The following CDH12 variants were observed in gnomAD, a reference collection of about 807,000 sequenced individuals.
CDH12 encodes the protein cadherin-12.
In CDH12, 41 loss-of-function variants were observed where a neutral mutation model predicts 74.1. That is an observed-to-expected ratio of 0.55 (90% CI 0.43 to 0.72). The LOEUF is 0.72. Ranked by LOEUF, CDH12 falls within the 30% of genes least tolerant of loss-of-function variation. The pLI, the probability that CDH12 is intolerant of heterozygous loss-of-function variation, is 0.00. For synonymous variants in CDH12, 399 were observed against 355.0 expected (o/e 1.12, Z -1.39); for missense variants, 945 against 977.2 (o/e 0.97, Z 0.44).
chr5:21,939,271 A>G (rs547401265), intron 6 of CDH12, among the ~76,000 whole-genome samples: 1 of 151,800 alleles, frequency 6.6e-6, no homozygotes, highest in South Asian at 2.1e-4. Context: ...CATGAAGAGT[A>G]GGAAAAAATA....
chr5:22,118,372 G>T (rs183490556), intron 4 of CDH12, among the ~76,000 whole-genome samples: 10 of 151,950 alleles, frequency 6.6e-5, no homozygotes, highest in African/African-American at 9.6e-5. Flanking sequence ...TACATATCTC[G>T]GAAATATTCG....
At chr5:22,030,048 G>C (rs1311271384) in intron 5 of CDH12, among the ~76,000 whole-genome samples, 1 of 149,254 alleles carries the variant, frequency 6.7e-6, no homozygotes, top group East Asian at 2.1e-4. Flanking sequence ...TCACTTATAG[G>C]TGGGAACTGA....
chr5:22,374,462 A>C (rs1460348460), intron 3 of CDH12, among the ~76,000 whole-genome samples: 4 of 152,188 alleles, frequency 2.6e-5, no homozygotes, highest in Admixed American at 2.6e-4. Flanking sequence ...TAGCCACAGC[A>C]ATCAGGCAAT....
intron 6 of CDH12, among the ~76,000 whole-genome samples, chr5:21,897,057 C>T (rs1182696311): frequency 6.6e-6 from 1 of 151,982 alleles, no homozygotes; most frequent in Admixed American, 6.6e-5. Context: ...TAAAGATGAA[C>T]ATATAAGTTT....
At chr5:22,730,194 GACA>G (rs1177478287) in intron 1 of CDH12, among the ~76,000 whole-genome samples, 3 of 151,240 alleles carry the variant, frequency 2.0e-5, no homozygotes, top group South Asian at 2.1e-4. Context: ...CAACAACAAC[GACA>G]ACAACAACAA....
intron 7 of CDH12, among the ~76,000 whole-genome samples, chr5:21,849,901 G>A (rs916567343): frequency 2.6e-5 from 4 of 151,726 alleles, no homozygotes; most frequent in African/African-American, 9.6e-5. Context: ...TGAAAACAAA[G>A]TAGTTGTTCA....
chr5:22,223,140 A>G (rs1752077743), intron 3 of CDH12, among the ~76,000 whole-genome samples: 1 of 152,006 alleles, frequency 6.6e-6, no homozygotes, highest in Non-Finnish European at 1.5e-5. Flanking sequence ...AGTGTATTTT[A>G]GAAGAGTTAG....
intron 6 of CDH12, among the ~76,000 whole-genome samples, chr5:21,877,048 C>T (rs1751974321): frequency 6.6e-6 from 1 of 152,086 alleles, no homozygotes; most frequent in Non-Finnish European, 1.5e-5. Flanking sequence ...ACTAAAAATA[C>T]AAAAATTAGT....
chr5:21,766,174 A>G (rs935198296), intron 11 of CDH12, among the ~76,000 whole-genome samples: 1 of 152,020 alleles, frequency 6.6e-6, no homozygotes, highest in African/African-American at 2.4e-5. Flanking sequence ...TTTGAAAGGT[A>G]TACAATATCT....
intron 6 of CDH12, among the ~76,000 whole-genome samples, chr5:21,960,614 T>C (rs1756313887): frequency 6.6e-6 from 1 of 152,122 alleles, no homozygotes; most frequent in South Asian, 2.1e-4. Flanking sequence ...AATCAGACTG[T>C]AAAAAGTCAT....
At chr5:22,249,575 G>T (rs1319414852) in intron 3 of CDH12, among the ~76,000 whole-genome samples, 8 of 152,162 alleles carry the variant, frequency 5.3e-5, no homozygotes, top group Non-Finnish European at 1.5e-5. Flanking sequence ...ACAATAAAAT[G>T]CTGGCACAGT....
At chr5:21,918,083 T>C (rs1341765187) in intron 6 of CDH12, among the ~76,000 whole-genome samples, 1 of 152,152 alleles carries the variant, frequency 6.6e-6, no homozygotes, top group Non-Finnish European at 1.5e-5. Flanking sequence ...TTTTTCTATA[T>C]AGTATGAAAG....
chr5:22,634,545 T>C lies in CDH12; in HGVS notation c.-522-129181A>G, dbSNP rs148094288. ...TTTCAATGCATCAGAAAAACACAAG[T>C]ATTATGAATGTATTTGGTGTTACAA... is the stretch of plus-strand genomic sequence containing the variant. On this transcript the variant is annotated intron_variant, in intron 1 of 14. Coordinates refer to ENST00000382254, the MANE Select transcript of CDH12 (RefSeq NM_004061.5). 3.6e-3 allele frequency among the ~76,000 whole-genome samples: 551 copies of C among 152,222 alleles called. 1 individual carries two copies. Among genetic ancestry groups the C allele is most frequent in the African/African-American group, 0.01 (424 of 41,556 alleles).
intron 1 of CDH12, among the ~76,000 whole-genome samples, chr5:22,820,037 A>C (rs1318980069): frequency 4.7e-5 from 7 of 148,082 alleles, no homozygotes; most frequent in East Asian, 2.0e-4. Flanking sequence ...ATACATATAC[A>C]TATATATACA....
At chr5:22,602,810 A>C (rs1348468986) in intron 1 of CDH12, among the ~76,000 whole-genome samples, 1 of 152,166 alleles carries the variant, frequency 6.6e-6, no homozygotes, top group Non-Finnish European at 1.5e-5. Context: ...GATTACAAAA[A>C]ATAATACCCT....
At chr5:22,832,270 A>T (rs1419091012) in intron 1 of CDH12, among the ~76,000 whole-genome samples, 1 of 152,146 alleles carries the variant, frequency 6.6e-6, no homozygotes, top group Non-Finnish European at 1.5e-5. Flanking sequence ...AACTGTGATA[A>T]TGTATGTTAA....
chr5:21,817,553 T>G (rs945208406), intron 8 of CDH12, among the ~76,000 whole-genome samples: 3 of 151,934 alleles, frequency 2.0e-5, no homozygotes, highest in Non-Finnish European at 4.4e-5. Flanking sequence ...GATAGATAGA[T>G]AGGTGATAGA....
At chr5:21,918,960 A>T (rs1445099832) in intron 6 of CDH12, among the ~76,000 whole-genome samples, 2 of 152,182 alleles carry the variant, frequency 1.3e-5, no homozygotes, top group African/African-American at 2.4e-5. Flanking sequence ...ACAGAGACAC[A>T]TCTAAATTAG....
chr5:22,529,067 A>C, intron 1 of CDH12, among the ~76,000 whole-genome samples: 1 of 151,082 alleles, frequency 6.6e-6, no homozygotes, highest in South Asian at 2.1e-4. Context: ...GTATATATGT[A>C]TATATGCATA....
Sources: allele counts gnomAD v4.1 joint callset (sites outside exome capture counted in the v4.1 genomes callset), GRCh38; gene constraint gnomAD v4.1.1; transcripts MANE v1.5; gene names NCBI Gene and HGNC (gene_info 2026-07-23, HGNC 2026-07-21).